The following ZDHHC14 variants were observed in gnomAD, a reference collection of about 807,000 sequenced individuals.
ZDHHC14 encodes palmitoyltransferase ZDHHC14.
In ZDHHC14, 16 loss-of-function variants were observed where a neutral mutation model predicts 47.7. The observed-to-expected ratio is 0.34, with a 90% confidence interval of 0.23 to 0.51. The LOEUF (loss-of-function observed/expected upper bound fraction) is 0.51, where lower values mean the gene tolerates loss of function less well. ZDHHC14 is among the 20% of genes least tolerant of loss of function. ZDHHC14 has a pLI of 0.97. For synonymous variants in ZDHHC14, 293 were observed against 278.9 expected (o/e 1.05, Z -0.50); for missense variants, 515 against 662.5 (o/e 0.78, Z 2.44).
At chr6:157,482,497 G>A (rs1006942397) in intron 1 of ZDHHC14, among the ~76,000 whole-genome samples, 20 of 151,594 alleles carry the variant, frequency 1.3e-4, no homozygotes, top group Non-Finnish European at 1.8e-4. Flanking sequence ...CAGGTGATCC[G>A]CCCACCTTGG....
intron 2 of ZDHHC14, among the ~76,000 whole-genome samples, chr6:157,564,872 G>A (rs147124863): frequency 0.038 from 5,711 of 152,196 alleles, 394 homozygotes; most frequent in African/African-American, 0.13. Flanking sequence ...AGGTCAATAC[G>A]GGGCAGGAGG....
At position 157,585,210 on chromosome 6, in the gene ZDHHC14, A is replaced by AAAAT. The variant is rs764268674; in HGVS notation, c.407-7760_407-7757dup. ...TGACAAGAGCAAAACTCCATCTCAA[A>AAAAT]AAATAAATAAATAAATAAATATACT... On this transcript the variant is annotated intron_variant, in intron 2 of 8. Transcript: ENST00000359775. 1.6e-3 allele frequency among the ~76,000 whole-genome samples: 246 copies of AAAAT among 152,186 alleles called. 1 individual carries two copies. The highest frequency in any genetic ancestry group is 2.2e-3 in the African/African-American group (92 of 41,526).
chr6:157,497,877 T>C (rs563000672), intron 1 of ZDHHC14, among the ~76,000 whole-genome samples: 43 of 152,288 alleles, frequency 2.8e-4, no homozygotes, highest in African/African-American at 9.9e-4. Flanking sequence ...GTAATTACCA[T>C]GGGGCCAGCA....
chr6:157,567,237 G>A (rs967905928), intron 2 of ZDHHC14, among the ~76,000 whole-genome samples: 1 of 152,140 alleles, frequency 6.6e-6, no homozygotes, highest in African/African-American at 2.4e-5. Context: ...GGGGGCTGGG[G>A]CAGATGCAAA....
chr6:157,626,786 G>A (rs936835617), intron 3 of ZDHHC14, among the ~76,000 whole-genome samples: 2 of 149,960 alleles, frequency 1.3e-5, no homozygotes, highest in African/African-American at 2.4e-5. Context: ...ATCACACAGA[G>A]TATTTCCCCG....
intron 1 of ZDHHC14, among the ~76,000 whole-genome samples, chr6:157,525,511 G>T (rs548740781): frequency 4.1e-4 from 63 of 152,162 alleles, no homozygotes; most frequent in African/African-American, 1.5e-3. Flanking sequence ...CCTCCGAGAG[G>T]GCCAATGAGA....
chr6:157,618,762 A>C (rs1023556525), intron 3 of ZDHHC14, among the ~76,000 whole-genome samples: 1 of 152,080 alleles, frequency 6.6e-6, no homozygotes, highest in African/African-American at 2.4e-5. Context: ...AATCCTTCCC[A>C]TCTAGTTAAA....
chr6:157,512,152 G>A (rs976606828), intron 1 of ZDHHC14, among the ~76,000 whole-genome samples: 2 of 152,198 alleles, frequency 1.3e-5, no homozygotes, highest in Admixed American at 6.5e-5. Flanking sequence ...TCATGTTCGA[G>A]TGAAGGAAAC....
chr6:157,653,671 C>T lies in ZDHHC14; in HGVS notation c.1068+44C>T, dbSNP rs142707687. On this transcript the variant is annotated intron_variant, in intron 8 of 8. Coordinates refer to ENST00000359775, the MANE Select transcript of ZDHHC14 (RefSeq NM_024630.3). Reference sequence around the variant, plus strand: ...GCTCCCTGCGAGGGCTTCCCTTTTGCTTGTGTGCTCACTAACAGGCCACCA... The same window carrying T: ...GCTCCCTGCGAGGGCTTCCCTTTTGTTTGTGTGCTCACTAACAGGCCACCA... 1,677 of 1,582,486 alleles carry T rather than the reference C, an allele frequency of 1.1e-3. 17 individuals carry two copies. Among genetic ancestry groups the T allele is most frequent in the South Asian group, 0.01 (910 of 90,234 alleles).
At chr6:157,454,312 A>G (rs1348158765) in intron 1 of ZDHHC14, among the ~76,000 whole-genome samples, 1 of 152,202 alleles carries the variant, frequency 6.6e-6, no homozygotes, top group Non-Finnish European at 1.5e-5. Flanking sequence ...AATATTTACT[A>G]CTTTTAAAGG....
At chr6:157,612,115 C>T (rs1431335074) in intron 3 of ZDHHC14, among the ~76,000 whole-genome samples, 3 of 152,214 alleles carry the variant, frequency 2.0e-5, no homozygotes, top group Non-Finnish European at 4.4e-5. Flanking sequence ...CTTTCTCTGC[C>T]ACACCCTGCT....
chr6:157,405,844 G>T (rs562808353), intron 1 of ZDHHC14, among the ~76,000 whole-genome samples: 1 of 152,282 alleles, frequency 6.6e-6, no homozygotes, highest in African/African-American at 2.4e-5. Flanking sequence ...AAGACATTTT[G>T]TCATGAATTT....
chr6:157,573,661 C>G (rs1039859368), intron 2 of ZDHHC14, among the ~76,000 whole-genome samples: 1 of 152,348 alleles, frequency 6.6e-6, no homozygotes, highest in African/African-American at 2.4e-5. Context: ...TGCTTAACCC[C>G]ATGCCCTTCC....
chr6:157,529,575 C>T (rs1451274257), intron 1 of ZDHHC14, among the ~76,000 whole-genome samples: 7 of 152,220 alleles, frequency 4.6e-5, no homozygotes, highest in Admixed American at 1.3e-4. Flanking sequence ...TACCAGACTG[C>T]TGGCAATCCA....
intron 7 of ZDHHC14, among the ~76,000 whole-genome samples, chr6:157,651,811 A>G (rs1777851052): frequency 6.6e-6 from 1 of 152,086 alleles, no homozygotes; most frequent in African/African-American, 2.4e-5. Context: ...ACCTCCGGTG[A>G]TCTGCCCGCC....
intron 1 of ZDHHC14, among the ~76,000 whole-genome samples, chr6:157,501,976 G>A (rs944823558): frequency 1.4e-4 from 21 of 152,216 alleles, no homozygotes; most frequent in African/African-American, 4.6e-4. Context: ...CATGGCCACC[G>A]TGGAGGTCAG....
At chr6:157,608,870 A>G (rs1182122214) in intron 3 of ZDHHC14, among the ~76,000 whole-genome samples, 3 of 152,210 alleles carry the variant, frequency 2.0e-5, no homozygotes, top group Non-Finnish European at 4.4e-5. Context: ...ACAGGGCACT[A>G]GAGTCCAGGC....
chr6:157,613,943 G>A (rs1784850011), intron 3 of ZDHHC14, among the ~76,000 whole-genome samples: 1 of 152,186 alleles, frequency 6.6e-6, no homozygotes, highest in Non-Finnish European at 1.5e-5. Context: ...TATTGAAAGG[G>A]CTGACAGTTT....
At chr6:157,650,636 T>C (rs1022316272) in intron 7 of ZDHHC14, among the ~76,000 whole-genome samples, 2 of 146,116 alleles carry the variant, frequency 1.4e-5, no homozygotes, top group Non-Finnish European at 3.0e-5. Flanking sequence ...TAATTTCTCT[T>C]GTCATTAAAA....
Sources: allele counts gnomAD v4.1 joint callset (sites outside exome capture counted in the v4.1 genomes callset), GRCh38; gene constraint gnomAD v4.1.1; transcripts MANE v1.5; gene names NCBI Gene and HGNC (gene_info 2026-07-23, HGNC 2026-07-21).